ITPRID1: variants seen among roughly 807,000 people sequenced by gnomAD.
The protein encoded by ITPRID1 is protein ITPRID1.
A neutral mutation model predicts 95.4 loss-of-function variants in ITPRID1; 96 were observed. That is an observed-to-expected ratio of 1.01 (90% CI 0.85 to 1.19). The LOEUF (loss-of-function observed/expected upper bound fraction) is 1.19, where lower values mean the gene tolerates loss of function less well. ITPRID1 is among the 50% of genes most tolerant of loss of function. ITPRID1 has a pLI of 0.00. For synonymous variants in ITPRID1, 510 were observed against 453.6 expected, an observed-to-expected ratio of 1.12 and a Z score of -1.58; for missense variants, 1,339 against 1,252.9, an observed-to-expected ratio of 1.07 and a Z score of -1.04.
chr7:31,589,218 C>G (rs563911881), intron 10 of ITPRID1, among the ~76,000 whole-genome samples: 2 of 151,900 alleles, frequency 1.3e-5, no homozygotes, highest in Non-Finnish European at 2.9e-5. Context: ...ACATCAGAAA[C>G]AATGAAAGAA....
At chr7:31,593,223 T>G (rs528059886) in intron 10 of ITPRID1, among the ~76,000 whole-genome samples, 2 of 152,218 alleles carry the variant, frequency 1.3e-5, no homozygotes, top group African/African-American at 4.8e-5. Context: ...GAGAATTGCT[T>G]GAACCTGGGA....
At chr7:31,652,454 G>C in intron 14 of ITPRID1, 64 bp from the exon 15 acceptor site, 1 of 1,507,208 alleles carries the variant, frequency 6.6e-7, no homozygotes, top group Non-Finnish European at 8.9e-7. Context: ...TCACAAGTTT[G>C]AGTAAGCTGT....
chr7:31,656,604 A>T, downstream of ITPRID1: 2 of 478,378 alleles, frequency 4.2e-6, no homozygotes, highest in South Asian at 1.8e-4. Flanking sequence ...AGGATAAATT[A>T]TCAGTCTCAG....
chr7:31,599,805 C>T (rs1786311576), intron 10 of ITPRID1, among the ~76,000 whole-genome samples: 1 of 151,698 alleles, frequency 6.6e-6, no homozygotes, highest in African/African-American at 2.4e-5. Context: ...AGGCCATTCT[C>T]CTGCCTCAGC....
chr7:31,538,034 A>T (rs561664882), intron 1 of ITPRID1, among the ~76,000 whole-genome samples: 1 of 152,334 alleles, frequency 6.6e-6, no homozygotes, highest in East Asian at 1.9e-4. Flanking sequence ...TTCATTATTG[A>T]TGGCCATGTA....
In ITPRID1 at chr7:31,611,607, A is replaced by G. The variant is rs1786873165; in HGVS notation, c.1228+28416A>G. 3.3e-5 allele frequency among the ~76,000 whole-genome samples: 5 copies of G among 152,002 alleles called. No homozygotes were observed. The South Asian group carries it at 1.0e-3, about 32-fold the overall frequency. ...TATTCTATAGAATTCTATATTCTAT[A>G]TTCTATATTCAGTTTTGCTGAATAT... On this transcript the variant is annotated intron_variant, in intron 10 of 14. Transcript: ENST00000615280.
In ITPRID1 at chr7:31,554,414, G is replaced by C. The variant is rs1784381500; in HGVS notation, c.164-61G>C. On this transcript the variant is annotated intron_variant, in intron 3 of 14. Transcript: ENST00000615280. ...TGACTGAGTGGCGGCTGAGTAAACA[G>C]GGTAGCATCCTTTTAGCTGGTTGTG... 1.9e-6 allele frequency: 3 copies of C among 1,581,926 alleles called. No homozygotes were observed. In the South Asian group the frequency reaches 3.5e-5, roughly 18 times the overall value.
At chr7:31,652,156 T>A in intron 14 of ITPRID1, 106 bp downstream of exon 14, 3 of 856,046 alleles carry the variant, frequency 3.5e-6, no homozygotes, top group Non-Finnish European at 1.9e-6. Context: ...TAGGTTTACA[T>A]GCCAACACCT....
At chr7:31,568,605 C>T (rs1402187909) in intron 5 of ITPRID1, among the ~76,000 whole-genome samples, 1 of 152,166 alleles carries the variant, frequency 6.6e-6, no homozygotes. Context: ...CTGCACGTGT[C>T]AGCCACATTT....
At chr7:31,587,123 T>G (rs1785648767) in intron 10 of ITPRID1, among the ~76,000 whole-genome samples, 1 of 152,190 alleles carries the variant, frequency 6.6e-6, no homozygotes, top group Non-Finnish European at 1.5e-5. Context: ...AACATAGTGT[T>G]GGAAGTTCTG....
intron 4 of ITPRID1, 121 bp downstream of exon 4, chr7:31,554,644 G>T (rs12155214): frequency 0.64 from 786,797 of 1,227,186 alleles, 257,572 homozygotes; most frequent in Middle Eastern, 0.68. Context: ...TTAATTGTAC[G>T]TGAAGTATTA....
At chr7:31,539,866 C>T (rs535529509) in intron 1 of ITPRID1, among the ~76,000 whole-genome samples, 1 of 151,486 alleles carries the variant, frequency 6.6e-6, no homozygotes, top group African/African-American at 2.4e-5. Flanking sequence ...ATCTCTCTGG[C>T]TGGTGGGCAA....
chr7:31,626,757 C>A (rs572167953), intron 10 of ITPRID1, among the ~76,000 whole-genome samples: 1 of 152,206 alleles, frequency 6.6e-6, no homozygotes, highest in African/African-American at 2.4e-5. Context: ...TACTACTACA[C>A]ATGCTCAGAG....
At chr7:31,608,000 G>A (rs1489685917) in intron 10 of ITPRID1, among the ~76,000 whole-genome samples, 2 of 151,230 alleles carry the variant, frequency 1.3e-5, no homozygotes, top group Admixed American at 6.6e-5. Context: ...TTATCTCTTT[G>A]AAAAGATCAA....
intron 9 of ITPRID1, among the ~76,000 whole-genome samples, chr7:31,579,824 A>G (rs1029749725): frequency 1.1e-4 from 17 of 152,288 alleles, no homozygotes; most frequent in African/African-American, 4.1e-4. Context: ...TAAAATGTTA[A>G]ACTGAATTTA....
Position 31,520,321 on chromosome 7 carries a change from C to T in ITPRID1, c.-98+6201C>T, listed in dbSNP as rs925127547. 1.3e-4 allele frequency among the ~76,000 whole-genome samples: 20 copies of T among 152,224 alleles called. No individual in the cohort carries two copies. The East Asian group carries it at 3.3e-3, about 25-fold the overall frequency. On this transcript the variant is annotated intron_variant, in intron 1 of 14. Transcript: ENST00000615280. ...GTCAGGTTTCTGCACTGTTAAGTTACGCTTTTCCTCTTTCCATACTTATTT... is the reference window on the plus strand; with the variant it reads ...GTCAGGTTTCTGCACTGTTAAGTTATGCTTTTCCTCTTTCCATACTTATTT...
At chr7:31,640,108 T>C (rs1448387154) in intron 10 of ITPRID1, among the ~76,000 whole-genome samples, 1 of 152,222 alleles carries the variant, frequency 6.6e-6, no homozygotes, top group Non-Finnish European at 1.5e-5. Context: ...GTCTTGCTTT[T>C]AAGGCTCATT....
intron 8 of ITPRID1, among the ~76,000 whole-genome samples, chr7:31,575,359 C>T (rs1174598056): frequency 1.3e-5 from 2 of 152,150 alleles, no homozygotes; most frequent in African/African-American, 4.8e-5. Flanking sequence ...ATCTGCCATC[C>T]CTCCTGATTT....
At chr7:31,613,376 G>A (rs891636615) in intron 10 of ITPRID1, among the ~76,000 whole-genome samples, 36 of 152,138 alleles carry the variant, frequency 2.4e-4, no homozygotes, top group African/African-American at 7.9e-4. Context: ...TTTTGCCAGC[G>A]TTCTTGTTGT....
Sources: gnomAD v4.1 joint callset for allele counts (sites outside exome capture counted in the v4.1 genomes callset) on GRCh38, gnomAD v4.1.1 for gene constraint, MANE v1.5 for transcripts, NCBI Gene and HGNC (gene_info 2026-07-23, HGNC 2026-07-21) for gene names.